The following ACAD11 variants were observed in gnomAD, a reference collection of about 807,000 sequenced individuals.
The protein encoded by ACAD11 is acyl-Coenzyme A dehydrogenase family, member 11.
In ACAD11, 83 loss-of-function variants were observed where a neutral mutation model predicts 102.2. The observed-to-expected ratio is 0.81, with a 90% CI of 0.68 to 0.97. The LOEUF (loss-of-function observed/expected upper bound fraction) is 0.97. ACAD11 is among the 50% of genes least tolerant of loss of function. ACAD11 has a pLI of 0.00. For synonymous variants in ACAD11, 324 were observed against 319.8 expected (o/e 1.01, Z -0.14); for missense variants, 901 against 951.7 (o/e 0.95, Z 0.70).
chr3:132,574,171 G>C (rs1235671598), intron 17 of ACAD11, among the ~76,000 whole-genome samples: 1 of 152,182 alleles, frequency 6.6e-6, no homozygotes, highest in African/African-American at 2.4e-5. Flanking sequence ...TTGTGCATTC[G>C]CGATGCTTGT....
intron 12 of ACAD11, among the ~76,000 whole-genome samples, chr3:132,603,882 C>T (rs754877672): frequency 6.6e-5 from 10 of 152,184 alleles, no homozygotes; most frequent in Non-Finnish European, 1.3e-4. Context: ...AACTGTCTAG[C>T]TCTCAATCAT....
chr3:132,599,760 A>G (rs1938484544), intron 13 of ACAD11, among the ~76,000 whole-genome samples: 1 of 152,158 alleles, frequency 6.6e-6, no homozygotes, highest in South Asian at 2.1e-4. Context: ...ACTAAAAAAC[A>G]GTATACAATA....
At chr3:132,593,365 T>A (rs938117970) in intron 13 of ACAD11, among the ~76,000 whole-genome samples, 5 of 152,168 alleles carry the variant, frequency 3.3e-5, no homozygotes, top group Non-Finnish European at 5.9e-5. Flanking sequence ...AAGAGATTTT[T>A]AAAATTGCTT....
intron 17 of ACAD11, among the ~76,000 whole-genome samples, chr3:132,564,402 T>C (rs899104036): frequency 6.6e-6 from 1 of 152,240 alleles, no homozygotes; most frequent in African/African-American, 2.4e-5. Flanking sequence ...TGAAGATTTC[T>C]TTTTTCAGCA....
chr3:132,583,366 A>C lies in ACAD11; in HGVS notation c.1622-3808T>G, dbSNP rs556170414. On this transcript the variant is annotated intron_variant, in intron 13 of 19. Transcript: ENST00000264990. ...GGTGTTTATAGTATTCTCTGATGGT[A>C]GTTTGTATTTCTGTGGGATCGGTGG... 1.1e-3 allele frequency among the ~76,000 whole-genome samples: 164 copies of C among 152,224 alleles called. 1 individual carries two copies. The highest frequency in any genetic ancestry group is 3.8e-3 in the African/African-American group (156 of 41,540).
chr3:132,621,590 T>G (rs1939609876), intron 9 of ACAD11, among the ~76,000 whole-genome samples: 1 of 152,180 alleles, frequency 6.6e-6, no homozygotes, highest in South Asian at 2.1e-4. Flanking sequence ...AAAAGTTTAC[T>G]CGCACATTCA....
chr3:132,653,910 C>A (rs1937641451), intron 1 of ACAD11, among the ~76,000 whole-genome samples: 1 of 152,150 alleles, frequency 6.6e-6, no homozygotes, highest in South Asian at 2.1e-4. Context: ...TAAATATCTT[C>A]TTTTTGTCGA....
At chr3:132,588,873 T>C (rs1937960733) in intron 13 of ACAD11, among the ~76,000 whole-genome samples, 1 of 152,328 alleles carries the variant, frequency 6.6e-6, no homozygotes, top group East Asian at 1.9e-4. Flanking sequence ...ATATGTCCTT[T>C]TGATTTTATA....
At chr3:132,652,562 A>AT (rs59780655) in intron 1 of ACAD11, among the ~76,000 whole-genome samples, 3,750 of 148,554 alleles carry the variant, frequency 0.025, 134 homozygotes, top group African/African-American at 0.086. Context: ...TGTTAAATCC[A>AT]TTTTTTTTTT....
intron 13 of ACAD11, among the ~76,000 whole-genome samples, chr3:132,587,101 A>G (rs1937874559): frequency 6.6e-6 from 1 of 152,234 alleles, no homozygotes; most frequent in African/African-American, 2.4e-5. Flanking sequence ...TCTGTCTCAA[A>G]AAAGAACAAA....
chr3:132,645,000 C>T (rs1576619414), intron 1 of ACAD11, 104 bp from the exon 2 acceptor site: 1 of 674,038 alleles, frequency 1.5e-6, no homozygotes, highest in African/African-American at 1.8e-5. Context: ...ATAAATTCAT[C>T]TCAATGCTGG....
At chr3:132,575,057 G>C (rs959836484) in intron 17 of ACAD11, among the ~76,000 whole-genome samples, 5 of 151,958 alleles carry the variant, frequency 3.3e-5, no homozygotes, top group Admixed American at 6.6e-5. Context: ...ATGTTGCCCA[G>C]GCTGGTCTTG....
At position 132,559,841 on chromosome 3, in the gene ACAD11, C is replaced by T; in HGVS notation, c.2220G>A (p.Leu740=). 6.2e-7 allele frequency: 1 copy of T among 1,612,654 alleles called. No homozygotes were observed. Among genetic ancestry groups the T allele is most frequent in the East Asian group, 2.2e-5 (1 of 44,820 alleles). ...AAATGACATCTACTCACATGTTAGC[C>T]AGAGGGTAATCCTGGGAAACACCAG... ...GGAGVSQDYP[L]ANMYAITRVL... is the part of the protein sequence containing the mutation. Residue 740 remains leucine, a synonymous_variant, in exon 19 of 20, where the codon CTG becomes CTA. Transcript: ENST00000264990.
intron 17 of ACAD11, among the ~76,000 whole-genome samples, chr3:132,570,324 ATTGGT>A (rs1364365235): frequency 6.6e-6 from 1 of 152,144 alleles, no homozygotes; most frequent in Non-Finnish European, 1.5e-5. Context: ...TAAACACAGA[ATTGGT>A]TTCCAATTCT....
intron 13 of ACAD11, 43 bp from the exon 14 acceptor site, chr3:132,579,601 C>A: frequency 6.5e-7 from 1 of 1,545,358 alleles, no homozygotes; most frequent in Non-Finnish European, 8.9e-7. Flanking sequence ...AAGGAAATTT[C>A]TAGTTTGACA....
chr3:132,589,227 A>G (rs956935747), intron 13 of ACAD11, among the ~76,000 whole-genome samples: 1 of 152,316 alleles, frequency 6.6e-6, no homozygotes, highest in East Asian at 1.9e-4. Context: ...TTACCTAATT[A>G]ATGGTGTTGT....
chr3:132,565,280 C>A (rs1466539338), intron 17 of ACAD11, among the ~76,000 whole-genome samples: 1 of 152,132 alleles, frequency 6.6e-6, no homozygotes, highest in Non-Finnish European at 1.5e-5. Flanking sequence ...TCCCCACTGG[C>A]CAGTAATAAG....
At chr3:132,585,933 T>C (rs373879531) in intron 13 of ACAD11, among the ~76,000 whole-genome samples, 21 of 152,080 alleles carry the variant, frequency 1.4e-4, no homozygotes, top group Admixed American at 2.0e-4. Context: ...GTCAGTGTGG[T>C]GATTCCTCAG....
chr3:132,573,379 T>A (rs1937438827), intron 17 of ACAD11, among the ~76,000 whole-genome samples: 1 of 152,220 alleles, frequency 6.6e-6, no homozygotes, highest in African/African-American at 2.4e-5. Context: ...TATTAAAATA[T>A]AAAGTATCTC....
Sources: gnomAD v4.1 joint callset for allele counts (sites outside exome capture counted in the v4.1 genomes callset) on GRCh38, gnomAD v4.1.1 for gene constraint, MANE v1.5 for transcripts, NCBI Gene and HGNC (gene_info 2026-07-23, HGNC 2026-07-21) for gene names.